ANKRD6: variants seen among roughly 807,000 people sequenced by gnomAD.
The protein encoded by ANKRD6 is ankyrin repeat domain-containing protein 6.
In ANKRD6, 56 loss-of-function variants were observed where a neutral mutation model predicts 82.3. The ratio of observed to expected loss-of-function variants is 0.68; its 90% confidence interval spans 0.55 to 0.85. The LOEUF (loss-of-function observed/expected upper bound fraction) is 0.85, where lower values mean the gene tolerates loss of function less well. ANKRD6 is among the 40% of genes least tolerant of loss of function. ANKRD6 has a pLI of 0.00. For missense variants in ANKRD6, 852 were observed against 907.6 expected (o/e 0.94, Z 0.79); for synonymous variants, 347 against 352.1 (o/e 0.99, Z 0.16).
chr6:89,508,486 T>C (rs896414715), intron 1 of ANKRD6, among the ~76,000 whole-genome samples: 38 of 152,268 alleles, frequency 2.5e-4, no homozygotes, highest in African/African-American at 7.9e-4. Flanking sequence ...GAAAGTCATA[T>C]GAAGTGTAAA....
chr6:89,488,666 A>C (rs1253952542), intron 1 of ANKRD6, among the ~76,000 whole-genome samples: 1 of 152,212 alleles, frequency 6.6e-6, no homozygotes, highest in Non-Finnish European at 1.5e-5. Flanking sequence ...ACTTTGGATA[A>C]TTATTGGCAT....
chr6:89,629,680 G>C (rs1806911359), intron 15 of ANKRD6, among the ~76,000 whole-genome samples: 1 of 152,154 alleles, frequency 6.6e-6, no homozygotes, highest in South Asian at 2.1e-4. Flanking sequence ...TTCTTACATA[G>C]AACTTGCCCC....
intron 1 of ANKRD6, among the ~76,000 whole-genome samples, chr6:89,507,421 C>T (rs962172098): frequency 6.6e-6 from 1 of 152,190 alleles, no homozygotes; most frequent in African/African-American, 2.4e-5. Context: ...AGTCTGATTT[C>T]TCTGGAGTGC....
At chr6:89,441,855 C>T (rs541594987) in intron 1 of ANKRD6, among the ~76,000 whole-genome samples, 1 of 151,964 alleles carries the variant, frequency 6.6e-6, no homozygotes, top group Admixed American at 6.6e-5. Flanking sequence ...TGGTCTTGAA[C>T]TCCTGGCCTC....
intron 10 of ANKRD6, among the ~76,000 whole-genome samples, chr6:89,622,366 T>G (rs1803748848): frequency 6.6e-6 from 1 of 152,198 alleles, no homozygotes; most frequent in African/African-American, 2.4e-5. Context: ...GCAGTGGCTC[T>G]CAAAATGTGG....
At chr6:89,607,765 C>T (rs1032433406) in intron 5 of ANKRD6, among the ~76,000 whole-genome samples, 6 of 151,608 alleles carry the variant, frequency 4.0e-5, no homozygotes, top group Admixed American at 2.0e-4. Context: ...AAGCGATTCT[C>T]CTGCCTCAGC....
At chr6:89,538,258 G>A (rs1183957027) in intron 1 of ANKRD6, among the ~76,000 whole-genome samples, 1 of 151,884 alleles carries the variant, frequency 6.6e-6, no homozygotes, top group Admixed American at 6.6e-5. Context: ...TGTTTTTGTT[G>A]AAGCAATCAG....
At chr6:89,464,576 A>G (rs1774604381) in intron 1 of ANKRD6, among the ~76,000 whole-genome samples, 2 of 152,244 alleles carry the variant, frequency 1.3e-5, no homozygotes, top group African/African-American at 4.8e-5. Context: ...GTGACCCACC[A>G]GAGTTTGTCA....
chr6:89,502,444 G>A (rs963606284), intron 1 of ANKRD6, among the ~76,000 whole-genome samples: 4 of 151,960 alleles, frequency 2.6e-5, no homozygotes, highest in African/African-American at 7.3e-5. Context: ...CCAGGAGTTC[G>A]AGACCAGCCT....
chr6:89,463,608 G>C (rs1408463742), intron 1 of ANKRD6, among the ~76,000 whole-genome samples: 2 of 152,154 alleles, frequency 1.3e-5, no homozygotes, highest in East Asian at 3.8e-4. Context: ...GAGTGCTATG[G>C]TGCGATCTTG....
intron 2 of ANKRD6, among the ~76,000 whole-genome samples, chr6:89,573,459 T>G (rs553204083): frequency 1.8e-4 from 28 of 152,214 alleles, no homozygotes; most frequent in Non-Finnish European, 3.4e-4. Flanking sequence ...ATATCCCCTC[T>G]GGAGTCATTT....
At chr6:89,591,607 G>T (rs926622347) in intron 2 of ANKRD6, among the ~76,000 whole-genome samples, 8 of 152,188 alleles carry the variant, frequency 5.3e-5, no homozygotes, top group African/African-American at 1.9e-4. Flanking sequence ...ATGCCTGGGG[G>T]CATTCCTATG....
Position 89,617,927 on chromosome 6 carries a change from C to T in ANKRD6, c.715-27C>T, listed in dbSNP as rs746610301. 6 of 1,611,878 alleles carry T rather than the reference C, an allele frequency of 3.7e-6. No homozygotes were observed. In the African/African-American group the frequency reaches 5.3e-5, roughly 14 times the overall value. ...GCGTGTGGGACCCGTGGCCCTTTCT[C>T]ACCTGTCCTACTCTGCCTCTCCTCA... is the stretch of plus-strand genomic sequence containing the variant. On this transcript the variant is annotated intron_variant, in intron 8 of 15. Coordinates refer to ENST00000339746, the MANE Select transcript of ANKRD6 (RefSeq NM_001242809.2).
chr6:89,503,940 G>A (rs1436483806), intron 1 of ANKRD6, among the ~76,000 whole-genome samples: 1 of 152,148 alleles, frequency 6.6e-6, no homozygotes, highest in African/African-American at 2.4e-5. Context: ...AGGAGGTGAT[G>A]TAATCAGAGA....
At position 89,630,925 on chromosome 6, in the gene ANKRD6, A is replaced by C; in HGVS notation, c.2105A>C (p.Lys702Thr). ...SQANQKAQQD[K>T]ATLKEHIKSL... is the part of the protein sequence containing the mutation. Reference sequence around the variant, plus strand: ...GCCAATCAGAAAGCCCAGCAAGATAAGGCTACATTGAAGGAACACATTAAA... The same window carrying C: ...GCCAATCAGAAAGCCCAGCAAGATACGGCTACATTGAAGGAACACATTAAA... The change falls in exon 16 of 16, where the codon AAG becomes ACG. Residue 702 changes from lysine to threonine, a missense_variant. Lys to Thr is a moderately conservative substitution (Grantham distance 78). Transcript: ENST00000339746. 1 of 1,610,188 alleles carries C rather than the reference A, an allele frequency of 6.2e-7. No individual in the cohort carries two copies.
At chr6:89,434,949 T>C (rs897896080) in intron 1 of ANKRD6, among the ~76,000 whole-genome samples, 7 of 152,140 alleles carry the variant, frequency 4.6e-5, no homozygotes, top group Non-Finnish European at 1.0e-4. Flanking sequence ...CTAGTCGCAG[T>C]GTTGGGAGGT....
intron 1 of ANKRD6, among the ~76,000 whole-genome samples, chr6:89,472,182 C>A (rs1489092852): frequency 6.6e-6 from 1 of 152,136 alleles, no homozygotes; most frequent in East Asian, 1.9e-4. Flanking sequence ...TTCTATAAGA[C>A]ACAAGTCACA....
chr6:89,451,055 C>G (rs932973425), intron 1 of ANKRD6, among the ~76,000 whole-genome samples: 8 of 152,150 alleles, frequency 5.3e-5, no homozygotes, highest in African/African-American at 1.9e-4. Context: ...CGCCTGTAAT[C>G]CTAGCACTTT....
rs911328927 is a variant in ANKRD6 at position 89,576,431 on chromosome 6, A to G, written c.120+9335A>G. Reference sequence around the variant, plus strand: ...TTTCAGCTGGAACAGGTAATCTGATAAAAGCACTGGGTATGCTGAGAAGTC... The same window carrying G: ...TTTCAGCTGGAACAGGTAATCTGATGAAAGCACTGGGTATGCTGAGAAGTC... On this transcript the variant is annotated intron_variant, in intron 2 of 15. Transcript: ENST00000339746. Among the ~76,000 whole-genome samples the G allele has an allele frequency of 3.3e-5, 5 of 152,188 alleles. No homozygotes were observed. The East Asian group carries it at 9.6e-4, about 29-fold the overall frequency.
Sources: allele counts gnomAD v4.1 joint callset (sites outside exome capture counted in the v4.1 genomes callset), GRCh38; gene constraint gnomAD v4.1.1; transcripts MANE v1.5; gene names NCBI Gene and HGNC (gene_info 2026-07-23, HGNC 2026-07-21).